Variants in ICA1 observed in about 807,000 individuals in gnomAD.
ICA1 encodes the protein islet cell autoantigen 1.
ICA1 carries 40 observed loss-of-function variants against 71.0 expected under a neutral mutation model. That is an observed-to-expected ratio of 0.56 (90% confidence interval 0.44 to 0.73). The LOEUF (loss-of-function observed/expected upper bound fraction) is 0.73. Among genes scored for constraint, ICA1 ranks in the 30% least tolerant of loss-of-function variants. ICA1 has a pLI of 0.00. For synonymous variants in ICA1, 207 were observed against 209.5 expected, an observed-to-expected ratio of 0.99 and a Z score of 0.10; for missense variants, 578 against 576.5, an observed-to-expected ratio of 1.00 and a Z score of -0.03.
At chr7:8,197,086 T>A (rs1370577582) in intron 6 of ICA1, among the ~76,000 whole-genome samples, 1 of 151,738 alleles carries the variant, frequency 6.6e-6, no homozygotes, top group Non-Finnish European at 1.5e-5. Flanking sequence ...TTAATATATA[T>A]AATTTTTCTA....
intron 6 of ICA1, among the ~76,000 whole-genome samples, chr7:8,163,560 T>C (rs140283238): frequency 6.6e-6 from 1 of 152,264 alleles, no homozygotes; most frequent in Non-Finnish European, 1.5e-5. Context: ...CTGAGTGAGG[T>C]ACTCAGAAGG....
intron 6 of ICA1, among the ~76,000 whole-genome samples, chr7:8,203,187 G>A (rs1790315164): frequency 6.6e-6 from 1 of 152,168 alleles, no homozygotes; most frequent in South Asian, 2.1e-4. Context: ...TAATTTTTGA[G>A]TGTCTGTGAT....
At chr7:8,235,824 T>A in intron 2 of ICA1, 86 bp downstream of exon 2, 1 of 1,393,652 alleles carries the variant, frequency 7.2e-7, no homozygotes, top group Admixed American at 1.7e-5. Context: ...AATGTATCTC[T>A]TGTTTTTCCA....
chr7:8,122,845 C>T (rs1168969955), intron 13 of ICA1, among the ~76,000 whole-genome samples: 3 of 152,242 alleles, frequency 2.0e-5, no homozygotes, highest in Non-Finnish European at 4.4e-5. Context: ...AGATTCCTAA[C>T]TTCGGTTTGC....
intron 13 of ICA1, among the ~76,000 whole-genome samples, chr7:8,119,719 A>T (rs1022900285): frequency 6.6e-6 from 1 of 152,188 alleles, no homozygotes; most frequent in South Asian, 2.1e-4. Context: ...GGTGGCGGGC[A>T]CCTGTAATCC....
At chr7:8,154,918 T>C (rs1013619355) in intron 8 of ICA1, among the ~76,000 whole-genome samples, 2 of 152,174 alleles carry the variant, frequency 1.3e-5, no homozygotes, top group African/African-American at 4.8e-5. Flanking sequence ...TATATCATAT[T>C]TGAGTCCACA....
chr7:8,208,165 C>T (rs891644719), intron 6 of ICA1, among the ~76,000 whole-genome samples: 8 of 152,114 alleles, frequency 5.3e-5, no homozygotes, highest in African/African-American at 1.7e-4. Context: ...TTTCCCTAGC[C>T]AACTTATAAA....
chr7:8,185,989 T>C (rs1783789008), intron 6 of ICA1, among the ~76,000 whole-genome samples: 1 of 152,200 alleles, frequency 6.6e-6, no homozygotes, highest in Non-Finnish European at 1.5e-5. Flanking sequence ...AGAGGAGCTA[T>C]ACAGCATATA....
intron 1 of ICA1, among the ~76,000 whole-genome samples, chr7:8,244,437 C>T (rs1805158465): frequency 6.6e-6 from 1 of 152,152 alleles, no homozygotes; most frequent in Admixed American, 6.5e-5. Flanking sequence ...AAATGTTAGA[C>T]CTACAACCAT....
chr7:8,206,898 A>G (rs576295204), intron 6 of ICA1, among the ~76,000 whole-genome samples: 5 of 152,150 alleles, frequency 3.3e-5, no homozygotes, highest in African/African-American at 9.6e-5. Flanking sequence ...CGATGTGGAT[A>G]TTTTCCAAGT....
At position 8,130,696 on chromosome 7, in the gene ICA1, C is replaced by T. The variant is rs1357364521; in HGVS notation, c.1061-2554G>A. 1.3e-5 allele frequency among the ~76,000 whole-genome samples: 2 copies of T among 152,190 alleles called. No individual in the cohort carries two copies. Among genetic ancestry groups the T allele is most frequent in the African/African-American group, 4.8e-5 (2 of 41,440 alleles). On this transcript the variant is annotated intron_variant, in intron 12 of 13. Transcript: ENST00000402384. This position sits in a 1 kb window ranked among gnomAD's most constrained non-coding sequence, Gnocchi z 4.2. ...ATACAGCCCTCCACTAAGTCAAACC[C>T]TCAGGGAGGCTTCACTACTTTAGTA...
At chr7:8,235,810 T>C (rs967237548) in intron 2 of ICA1, 100 bp downstream of exon 2, 1 of 1,225,714 alleles carries the variant, frequency 8.2e-7, no homozygotes, top group Non-Finnish European at 1.2e-6. Flanking sequence ...TGATACTTAC[T>C]GCCAATGTAT....
At chr7:8,181,707 T>C in intron 6 of ICA1, among the ~76,000 whole-genome samples, 1 of 152,198 alleles carries the variant, frequency 6.6e-6, no homozygotes, top group East Asian at 1.9e-4. Context: ...TATTTTTAGG[T>C]ATTTGCCATT....
intron 6 of ICA1, among the ~76,000 whole-genome samples, chr7:8,215,737 G>C (rs1795202419): frequency 6.6e-6 from 1 of 152,200 alleles, no homozygotes; most frequent in African/African-American, 2.4e-5. Context: ...ACTCAAAAAA[G>C]AGAATTTATA....
At chr7:8,163,533 G>A (rs532834706) in intron 6 of ICA1, among the ~76,000 whole-genome samples, 24 of 152,290 alleles carry the variant, frequency 1.6e-4, no homozygotes, top group Admixed American at 9.8e-4. Flanking sequence ...TCAGATCAGC[G>A]AAGGTGTAAC....
intron 1 of ICA1, among the ~76,000 whole-genome samples, chr7:8,244,642 T>C (rs1805259212): frequency 6.6e-6 from 1 of 151,862 alleles, no homozygotes; most frequent in Admixed American, 6.6e-5. Context: ...TGGGAGAAAA[T>C]TTTTGCAATC....
chr7:8,144,417 T>G lies in ICA1; in HGVS notation c.805-445A>C, dbSNP rs1388061415. 1.3e-5 allele frequency among the ~76,000 whole-genome samples: 2 copies of G among 152,226 alleles called. No homozygotes were observed. The highest frequency in any genetic ancestry group is 4.8e-5 in the African/African-American group (2 of 41,454). On this transcript the variant is annotated intron_variant, in intron 8 of 13. Transcript: ENST00000402384. The surrounding 1 kb of genome is among the most constrained non-coding windows in gnomAD (Gnocchi z 4.5). ...CGATTTCATTTTGTTTTAAATTTTG[T>G]TTGCTATTTTGCAATCTAAAACCCA...
intron 6 of ICA1, among the ~76,000 whole-genome samples, chr7:8,165,625 C>T (rs1405386332): frequency 6.6e-6 from 1 of 152,134 alleles, no homozygotes; most frequent in Non-Finnish European, 1.5e-5. Flanking sequence ...CCAGAAAGCC[C>T]CATCATCTCT....
intron 6 of ICA1, among the ~76,000 whole-genome samples, chr7:8,205,983 C>T (rs1583221765): frequency 1.3e-5 from 2 of 152,180 alleles, no homozygotes; most frequent in South Asian, 2.1e-4. Context: ...TCTCAAATAG[C>T]TGCCCCCTCC....
Sources: allele counts gnomAD v4.1 joint callset (sites outside exome capture counted in the v4.1 genomes callset), GRCh38; gene constraint gnomAD v4.1.1; non-coding constraint Gnocchi (gnomAD v3.1); transcripts MANE v1.5; gene names NCBI Gene and HGNC (gene_info 2026-07-23, HGNC 2026-07-21).